The following ALG9 variants were observed in gnomAD, a reference collection of about 807,000 sequenced individuals.
ALG9 encodes the protein ALG9 alpha-1,2-mannosyltransferase.
Under a neutral mutation model 81.8 loss-of-function variants are expected in ALG9, and 55 were observed. The observed-to-expected ratio is 0.67, with a 90% confidence interval of 0.54 to 0.84. The LOEUF (loss-of-function observed/expected upper bound fraction) is 0.84, where lower values mean the gene tolerates loss of function less well. ALG9 is among the 40% of genes least tolerant of loss of function. The probability of loss-of-function intolerance (pLI) is 0.00; values close to 1 mark genes in which losing one functional copy is unlikely to be tolerated. For synonymous variants in ALG9, 278 were observed against 274.3 expected (o/e 1.01, Z -0.13); for missense variants, 629 against 745.0 (o/e 0.84, Z 1.81).
In ALG9 at chr11:111,866,167, G is replaced by A. The variant is rs1555152725; in HGVS notation, c.406-916C>T. Among the ~76,000 whole-genome samples the A allele has an allele frequency of 2.6e-5, 4 of 152,172 alleles. No homozygotes were observed. In the South Asian group the frequency reaches 6.2e-4, roughly 24 times the overall value. On this transcript the variant is annotated intron_variant, in intron 3 of 14. Transcript: ENST00000616540. ...AAAAAATTAGCCAGGCATGGTGGCG[G>A]GCAACTGTAACCCCAGCTACTCGGG...
At position 111,798,605 on chromosome 11, in the gene ALG9, T is replaced by C. The variant is rs141582807; in HGVS notation, c.1733+11038A>G. On this transcript the variant is annotated intron_variant, in intron 14 of 14. Transcript: ENST00000616540. The stretch of plus-strand genomic sequence containing the variant: ...ATCATGCTTCAAAGAAAAAAAAATC[T>C]TTTATTTTAGAAAGTATGTAATATG... Among the ~76,000 whole-genome samples, 130 of 152,356 alleles carry C rather than the reference T, an allele frequency of 8.5e-4. 2 individuals are homozygous for C. Among genetic ancestry groups the C allele is most frequent in the Admixed American group, 1.4e-3 (21 of 15,302 alleles).
chr11:111,847,487 T>C (rs907690806), intron 8 of ALG9, among the ~76,000 whole-genome samples: 2 of 152,220 alleles, frequency 1.3e-5, no homozygotes, highest in Non-Finnish European at 2.9e-5. Flanking sequence ...TGTATTCCCA[T>C]GCCTTCTCCA....
intron 14 of ALG9, among the ~76,000 whole-genome samples, chr11:111,807,444 C>T (rs1344676072): frequency 1.3e-5 from 2 of 152,100 alleles, no homozygotes; most frequent in Non-Finnish European, 1.5e-5. Context: ...TCATTGAGGC[C>T]GACTCTGACC....
intron 8 of ALG9, among the ~76,000 whole-genome samples, chr11:111,852,003 AATG>A (rs782124706): frequency 3.3e-5 from 5 of 152,330 alleles, no homozygotes; most frequent in African/African-American, 9.6e-5. Flanking sequence ...TGCCACCTAG[AATG>A]ATAATATTCC....
At chr11:111,831,025 G>C (rs1350673068) in intron 13 of ALG9, among the ~76,000 whole-genome samples, 1 of 151,992 alleles carries the variant, frequency 6.6e-6, no homozygotes, top group African/African-American at 2.4e-5. Context: ...TTAAAAATTA[G>C]CTAGGGGTAG....
chr11:111,863,067 A>T (rs1555149376), intron 4 of ALG9, among the ~76,000 whole-genome samples: 1 of 152,202 alleles, frequency 6.6e-6, no homozygotes, highest in African/African-American at 2.4e-5. Context: ...CTACCAACCC[A>T]GAACAATTTA....
intron 10 of ALG9, among the ~76,000 whole-genome samples, chr11:111,839,312 G>A (rs1030065389): frequency 3.9e-5 from 6 of 152,004 alleles, no homozygotes; most frequent in Non-Finnish European, 7.4e-5. Flanking sequence ...GTGGCTGGGT[G>A]CGGTGGCTCA....
chr11:111,844,838 A>ATC, intron 8 of ALG9, 115 bp from the exon 9 acceptor site: 7 of 1,190,172 alleles, frequency 5.9e-6, no homozygotes, highest in African/African-American at 1.5e-5. Flanking sequence ...GCCTCATGGG[A>ATC]ATGAGAGTGC....
rs140627052 is a variant in ALG9 at position 111,853,322 on chromosome 11, G to T, written c.895+58C>A. ...TACGAGGCAACTGAATTAAAATGCT[G>T]AAGTTCAGGCAAATTAAGCTATCTC... is the stretch of plus-strand genomic sequence containing the variant. On this transcript the variant is annotated intron_variant, in intron 8 of 14. Coordinates refer to ENST00000616540, the MANE Select transcript of ALG9 (RefSeq NM_024740.2). 3.0e-5 allele frequency: 36 copies of T among 1,183,448 alleles called. No individual in the cohort carries two copies. The East Asian group carries it at 8.0e-4, about 26-fold the overall frequency. The allele number at this position is 1,183,448 out of a possible 1,614,324, so 73.3% of individuals were successfully genotyped here.
intron 13 of ALG9, among the ~76,000 whole-genome samples, chr11:111,834,144 A>G (rs1954836075): frequency 6.6e-6 from 1 of 152,254 alleles, no homozygotes; most frequent in South Asian, 2.1e-4. Flanking sequence ...AAGACCAAGA[A>G]AATTAAATGG....
At chr11:111,779,192 A>G (rs992634106), downstream of ALG9, among the ~76,000 whole-genome samples, 2 of 152,292 alleles carry the variant, frequency 1.3e-5, no homozygotes, top group African/African-American at 4.8e-5. Flanking sequence ...TACAGGTCAC[A>G]GCTTCTTCAG....
At chr11:111,819,289 A>C (rs1951960325) in intron 13 of ALG9, among the ~76,000 whole-genome samples, 1 of 152,254 alleles carries the variant, frequency 6.6e-6, no homozygotes, top group East Asian at 1.9e-4. Flanking sequence ...AGTTGCATTC[A>C]ATCATCTATC....
chr11:111,838,231 T>C lies in ALG9; in HGVS notation c.1324+18A>G, dbSNP rs1555119542. On this transcript the variant is annotated intron_variant, in intron 11 of 14. Coordinates refer to ENST00000616540, the MANE Select transcript of ALG9 (RefSeq NM_024740.2). Reference sequence around the variant, plus strand: ...AGTGACTCGTCAGTGTAGGTTAAGATATTCTTAGAAGATCTACCTCTGAAC... The same window carrying C: ...AGTGACTCGTCAGTGTAGGTTAAGACATTCTTAGAAGATCTACCTCTGAAC... The C allele has an allele frequency of 1.9e-6, 3 of 1,613,682 alleles. No individual in the cohort carries two copies. Among genetic ancestry groups the C allele is most frequent in the East Asian group, 2.2e-5 (1 of 44,874 alleles).
At chr11:111,801,671 C>T (rs886099711) in intron 14 of ALG9, among the ~76,000 whole-genome samples, 1 of 152,210 alleles carries the variant, frequency 6.6e-6, no homozygotes, top group South Asian at 2.1e-4. Context: ...ATGCTGTCTT[C>T]ACTATACTTT....
chr11:111,780,240 C>A (rs371742445), downstream of ALG9, among the ~76,000 whole-genome samples: 114 of 152,194 alleles, frequency 7.5e-4, no homozygotes, highest in African/African-American at 2.6e-3. Context: ...ATAAAGGTAC[C>A]CTTTCTCTCT....
At chr11:111,850,402 C>A (rs1482203226) in intron 8 of ALG9, among the ~76,000 whole-genome samples, 1 of 152,044 alleles carries the variant, frequency 6.6e-6, no homozygotes, top group South Asian at 2.1e-4. Context: ...AAGGAGTTAA[C>A]ACTCTCAAAG....
At chr11:111,840,958 G>A (rs556467173) in intron 9 of ALG9, 149 bp from the exon 10 acceptor site, 10 of 910,936 alleles carry the variant, frequency 1.1e-5, no homozygotes, top group Admixed American at 6.9e-5. Context: ...TTTCTCCAAT[G>A]CCATAAAGGC....
chr11:111,835,769 G>A (rs775982339), intron 13 of ALG9, among the ~76,000 whole-genome samples: 21 of 152,038 alleles, frequency 1.4e-4, no homozygotes, highest in Non-Finnish European at 2.6e-4. Context: ...GTTTTTTTCT[G>A]AGACAGGGTC....
At chr11:111,768,570 G>C in the ALG9 span, 1 of 151,756 alleles carries the variant, frequency 6.6e-6, no homozygotes, top group Non-Finnish European at 1.5e-5. Context: ...GACCATCCTA[G>C]ACAACACAGC....
Sources: allele counts gnomAD v4.1 joint callset (sites outside exome capture counted in the v4.1 genomes callset), GRCh38; gene constraint gnomAD v4.1.1; transcripts MANE v1.5; gene names NCBI Gene and HGNC (gene_info 2026-07-23, HGNC 2026-07-21).